PPP1R14C: variants seen among roughly 807,000 people sequenced by gnomAD.
PPP1R14C encodes the protein protein phosphatase 1 regulatory inhibitor subunit 14C, also known as protein phosphatase 1 regulatory subunit 14C.
A neutral mutation model predicts 20.4 loss-of-function variants in PPP1R14C; 16 were observed. That is an observed-to-expected ratio of 0.78 (90% CI 0.53 to 1.19). The LOEUF (loss-of-function observed/expected upper bound fraction) is 1.19. Among genes scored for constraint, PPP1R14C ranks in the 50% most tolerant of loss-of-function variants. The probability of loss-of-function intolerance (pLI) is 0.00; values close to 1 mark genes in which losing one functional copy is unlikely to be tolerated. For synonymous variants in PPP1R14C, 91 were observed against 91.0 expected, an observed-to-expected ratio of 1.00 and a Z score of 0.00; for missense variants, 211 against 220.1, an observed-to-expected ratio of 0.96 and a Z score of 0.26.
chr6:150,146,243 A>G (rs1446485688), intron 1 of PPP1R14C, among the ~76,000 whole-genome samples: 1 of 152,220 alleles, frequency 6.6e-6, no homozygotes, highest in African/African-American at 2.4e-5. Context: ...GGCTGCTTCA[A>G]GCTCATGTAG....
At chr6:150,206,627 C>T (rs906388636) in intron 1 of PPP1R14C, among the ~76,000 whole-genome samples, 3 of 152,192 alleles carry the variant, frequency 2.0e-5, no homozygotes, top group Admixed American at 6.5e-5. Flanking sequence ...GCGTTCTACA[C>T]GGGGCATGAG....
rs528997340 is a variant in PPP1R14C at position 150,163,979 on chromosome 6, A to G, written c.306+20481A>G. Among the ~76,000 whole-genome samples the G allele has an allele frequency of 1.0e-3, 156 of 152,330 alleles. 1 individual carries two copies. Among genetic ancestry groups the G allele is most frequent in the African/African-American group, 3.6e-3 (150 of 41,574 alleles). The stretch of plus-strand genomic sequence containing the variant: ...GATGATTTCTTAAGTAATTGCACCA[A>G]TCTACATGCCCACTGCACTATATGA... On this transcript the variant is annotated intron_variant, in intron 1 of 3. Transcript: ENST00000361131.
intron 1 of PPP1R14C, among the ~76,000 whole-genome samples, chr6:150,181,480 C>T (rs1366288652): frequency 4.7e-5 from 7 of 148,828 alleles, no homozygotes; most frequent in African/African-American, 1.7e-4. Context: ...AAAAAGTTCT[C>T]GAATATTTAA....
At chr6:150,207,392 G>A (rs1297513538) in intron 1 of PPP1R14C, among the ~76,000 whole-genome samples, 2 of 152,344 alleles carry the variant, frequency 1.3e-5, no homozygotes, top group African/African-American at 4.8e-5. Context: ...TGTGCAGATG[G>A]GTGCCCGGTG....
chr6:150,204,430 T>C (rs373920254), intron 1 of PPP1R14C, among the ~76,000 whole-genome samples: 2 of 152,326 alleles, frequency 1.3e-5, no homozygotes, highest in East Asian at 1.9e-4. Flanking sequence ...AAATCGGTAA[T>C]GTGATAAGTC....
At chr6:150,216,991 A>C (rs1011409574) in intron 3 of PPP1R14C, 135 bp downstream of exon 3, 2 of 624,422 alleles carry the variant, frequency 3.2e-6, no homozygotes, top group Non-Finnish European at 2.8e-6. Flanking sequence ...CCATGAGTGC[A>C]TATGTTTGAA....
chr6:150,182,663 A>G (rs558461928), intron 1 of PPP1R14C, among the ~76,000 whole-genome samples: 1 of 152,344 alleles, frequency 6.6e-6, no homozygotes, highest in African/African-American at 2.4e-5. Flanking sequence ...GACCTACCTT[A>G]TAACGTTATT....
At chr6:150,149,577 TGTG>T (rs1777222158) in intron 1 of PPP1R14C, among the ~76,000 whole-genome samples, 1 of 148,992 alleles carries the variant, frequency 6.7e-6, no homozygotes, top group Non-Finnish European at 1.5e-5. Context: ...GGATTACAGG[TGTG>T]AGCCACTGCG....
chr6:150,246,685 A>G (rs182031146), intron 3 of PPP1R14C, among the ~76,000 whole-genome samples: 102 of 152,350 alleles, frequency 6.7e-4, no homozygotes, highest in Admixed American at 2.1e-3. Context: ...CAAGCTACAG[A>G]CAAAAATTTA....
At chr6:150,169,672 A>G (rs1307412681) in intron 1 of PPP1R14C, among the ~76,000 whole-genome samples, 1 of 152,224 alleles carries the variant, frequency 6.6e-6, no homozygotes, top group African/African-American at 2.4e-5. Flanking sequence ...ATCGAACATG[A>G]AAAGGCCGAA....
At chr6:150,181,467 T>TA (rs1370251566) in intron 1 of PPP1R14C, among the ~76,000 whole-genome samples, 2 of 98,780 alleles carry the variant, frequency 2.0e-5, no homozygotes, top group Non-Finnish European at 4.1e-5. Context: ...GGTAGAACAT[T>TA]AAAAAAAGTT....
At chr6:150,194,490 C>A in intron 1 of PPP1R14C, 1 of 979,368 alleles carries the variant, frequency 1.0e-6, no homozygotes, top group Non-Finnish European at 1.2e-6. Context: ...AAATAATGTT[C>A]TACTACAATT....
At chr6:150,228,701 A>G (rs970617189) in intron 3 of PPP1R14C, among the ~76,000 whole-genome samples, 1 of 152,096 alleles carries the variant, frequency 6.6e-6, no homozygotes. Flanking sequence ...GTATACGAAG[A>G]TGCTTTTTTT....
chr6:150,197,255 C>A (rs1039191531), intron 1 of PPP1R14C, among the ~76,000 whole-genome samples: 2 of 151,978 alleles, frequency 1.3e-5, no homozygotes, highest in African/African-American at 4.8e-5. Flanking sequence ...AGAGGCTCTG[C>A]TCCCGCCTGC....
At chr6:150,200,767 A>G (rs1042023572) in intron 1 of PPP1R14C, among the ~76,000 whole-genome samples, 1 of 152,182 alleles carries the variant, frequency 6.6e-6, no homozygotes, top group Non-Finnish European at 1.5e-5. Context: ...CTTTCCTCCA[A>G]GTCTTCACTG....
chr6:150,234,477 AC>A (rs1383626263), intron 3 of PPP1R14C, among the ~76,000 whole-genome samples: 1 of 152,220 alleles, frequency 6.6e-6, no homozygotes, highest in Non-Finnish European at 1.5e-5. Flanking sequence ...AATGACGAGA[AC>A]CCCAAACATT....
At chr6:150,149,299 ATG>A (rs141854673) in intron 1 of PPP1R14C, among the ~76,000 whole-genome samples, 1,562 of 147,246 alleles carry the variant, frequency 0.011, 22 homozygotes, top group African/African-American at 0.034. Context: ...CTCCATACAT[ATG>A]TGTGTGTGTG....
At chr6:150,219,170 G>C (rs1266871083) in intron 3 of PPP1R14C, among the ~76,000 whole-genome samples, 1 of 151,880 alleles carries the variant, frequency 6.6e-6, no homozygotes, top group East Asian at 1.9e-4. Context: ...ATATGATCAT[G>C]GTTCCTTTTT....
intron 1 of PPP1R14C, among the ~76,000 whole-genome samples, chr6:150,200,195 TACACACACATGTACACAAC>T (rs1777859332): frequency 6.7e-6 from 1 of 149,832 alleles, no homozygotes; most frequent in Non-Finnish European, 1.5e-5. Flanking sequence ...CACACACACA[TACACACACATGTACACAAC>T]ACACACACAC....
Sources: allele counts gnomAD v4.1 joint callset (sites outside exome capture counted in the v4.1 genomes callset), GRCh38; gene constraint gnomAD v4.1.1; transcripts MANE v1.5; gene names NCBI Gene and HGNC (gene_info 2026-07-23, HGNC 2026-07-21).